The following XXYLT1 variants were observed in gnomAD, a reference collection of about 807,000 sequenced individuals.
XXYLT1 encodes the protein UDP-xylose:alpha-xyloside alpha-1,3-xylosyltransferase.
XXYLT1 carries 20 observed loss-of-function variants against 28.9 expected under a neutral mutation model. The observed-to-expected ratio is 0.69, with a 90% CI of 0.49 to 1.00. The LOEUF is 1.00. Ranked by LOEUF, XXYLT1 falls within the 50% of genes least tolerant of loss-of-function variation. XXYLT1 has a pLI of 0.00. For synonymous variants in XXYLT1, 257 were observed against 253.8 expected, an observed-to-expected ratio of 1.01 and a Z score of -0.12; for missense variants, 542 against 560.1, an observed-to-expected ratio of 0.97 and a Z score of 0.33.
intron 3 of XXYLT1, among the ~76,000 whole-genome samples, chr3:195,072,407 C>A (rs1714874751): frequency 6.6e-6 from 1 of 152,200 alleles, no homozygotes; most frequent in Non-Finnish European, 1.5e-5. Context: ...GGCAGGAACG[C>A]TCCCAAATCT....
chr3:195,153,769 T>C (rs1720408111), intron 3 of XXYLT1: 1 of 152,208 alleles, frequency 6.6e-6, no homozygotes, highest in Non-Finnish European at 1.5e-5. Context: ...TCCATTTATA[T>C]CACATGAGAA....
chr3:195,191,563 G>C (rs866379675), intron 2 of XXYLT1, among the ~76,000 whole-genome samples: 3 of 152,156 alleles, frequency 2.0e-5, no homozygotes, highest in Admixed American at 6.5e-5. Flanking sequence ...CAAAGTTATG[G>C]GGGGTTGGCA....
Position 195,196,778 on chromosome 3 carries a change from GC to G in XXYLT1, c.652+29930del, listed in dbSNP as rs1722642573. Among the ~76,000 whole-genome samples, 5 of 152,232 alleles carry G rather than the reference GC, an allele frequency of 3.3e-5. No homozygotes were observed. The South Asian group carries it at 1.0e-3, about 32-fold the overall frequency. ...AAAACGGCTTTGTACAAATTAAAAT[GC>G]CAAAGTAATAAGGAATATTGGATGA... is the stretch of plus-strand genomic sequence containing the variant. On this transcript the variant is annotated intron_variant, in intron 2 of 3. Transcript: ENST00000310380.
rs562804851 is a variant in XXYLT1 at position 195,264,467 on chromosome 3, G to A, written c.504+6088C>T. On this transcript the variant is annotated intron_variant, in intron 1 of 3. Transcript: ENST00000310380. ...GCACAAATGGCACCTTATCCGTGGA[G>A]CCATCCCTGGCCACCCGTGCACCAC... is the stretch of plus-strand genomic sequence containing the variant. Among the ~76,000 whole-genome samples, 211 of 152,310 alleles carry A rather than the reference G, an allele frequency of 1.4e-3. 1 individual carries two copies. The highest frequency in any genetic ancestry group is 5.0e-3 in the African/African-American group (209 of 41,570).
At chr3:195,221,902 G>A (rs994362679) in intron 2 of XXYLT1, among the ~76,000 whole-genome samples, 3 of 152,146 alleles carry the variant, frequency 2.0e-5, no homozygotes, top group African/African-American at 7.2e-5. Context: ...GAGACCAGCC[G>A]CATGTGAATC....
intron 3 of XXYLT1, among the ~76,000 whole-genome samples, chr3:195,144,659 AG>A (rs1334528256): frequency 1.3e-5 from 2 of 152,142 alleles, no homozygotes; most frequent in East Asian, 3.9e-4. Flanking sequence ...TACAGGTGTG[AG>A]CCACTGTGCC....
At chr3:195,199,724 G>T (rs529016205) in intron 2 of XXYLT1, among the ~76,000 whole-genome samples, 187 of 152,268 alleles carry the variant, frequency 1.2e-3, no homozygotes, top group African/African-American at 4.3e-3. Flanking sequence ...CCCAAAGATG[G>T]CTGTCCTGAC....
intron 3 of XXYLT1, among the ~76,000 whole-genome samples, chr3:195,075,875 T>C (rs193197949): frequency 5.5e-4 from 83 of 152,288 alleles, no homozygotes; most frequent in Admixed American, 3.3e-3. Context: ...GGCTGTTGCT[T>C]TGCAGGCTGA....
chr3:195,072,284 T>G (rs1305354505), intron 3 of XXYLT1, among the ~76,000 whole-genome samples: 1 of 151,976 alleles, frequency 6.6e-6, no homozygotes, highest in African/African-American at 2.4e-5. Flanking sequence ...TACTGTGGGG[T>G]TGAGTGAGGA....
At chr3:195,253,097 G>A (rs1254136053) in intron 1 of XXYLT1, among the ~76,000 whole-genome samples, 1 of 152,182 alleles carries the variant, frequency 6.6e-6, no homozygotes, top group Non-Finnish European at 1.5e-5. Context: ...GTGGAGCCCA[G>A]GCACTGCACC....
chr3:195,068,573 G>A lies in XXYLT1; in HGVS notation c.*1142C>T, dbSNP rs1416777395. The A allele has an allele frequency of 6.7e-6, 1 of 149,320 alleles. No homozygotes were observed. Among genetic ancestry groups the A allele is most frequent in the Non-Finnish European group, 1.5e-5 (1 of 67,716 alleles). The allele number at this position is 149,320 out of a possible 1,614,324, so 9.2% of individuals were successfully genotyped here. A position where few individuals can be genotyped will look rare whatever the true frequency, so the allele number is the denominator to read the frequency against. On this transcript the variant is annotated 3_prime_UTR_variant, in exon 4 of 4. Coordinates refer to ENST00000310380, the MANE Select transcript of XXYLT1 (RefSeq NM_152531.5). ...CATGGTCACACTTGGGAATTGCTGGGTTCCTTTTTGGTTTTTTTTTTTTTT... is the reference window on the plus strand; with the variant it reads ...CATGGTCACACTTGGGAATTGCTGGATTCCTTTTTGGTTTTTTTTTTTTTT...
chr3:195,152,193 A>G (rs528791961), intron 3 of XXYLT1: 39 of 152,776 alleles, frequency 2.6e-4, no homozygotes, highest in African/African-American at 8.9e-4. Flanking sequence ...CTTTTCTAAT[A>G]CTTTCATGAG....
In XXYLT1 at chr3:195,256,504, C is replaced by A; in HGVS notation, c.504+14051G>T. ...AAGGGAAGTCAGCACGGAAGCCTCA[C>A]CTAGGGTCATTCCAGGGATTATCCC... On this transcript the variant is annotated intron_variant, in intron 1 of 3. Transcript: ENST00000310380. The surrounding 1 kb of genome is among the most constrained non-coding windows in gnomAD (Gnocchi z 4.2). 1.0e-6 allele frequency: 1 copy of A among 985,390 alleles called. No homozygotes were observed. Among genetic ancestry groups the A allele is most frequent in the Non-Finnish European group, 1.2e-6 (1 of 829,922 alleles). The allele number at this position is 985,390 out of a possible 1,614,324, so 61.0% of individuals were successfully genotyped here.
rs543920815 is a variant in XXYLT1 at position 195,114,942 on chromosome 3, C to A, written c.785+41507G>T. ...GGGAAGACACCGGGGTCGGCCTGGG[C>A]GCAGTCACTCCTGGGTGGAGGCTGA... On this transcript the variant is annotated intron_variant, in intron 3 of 3. Transcript: ENST00000310380. Among the ~76,000 whole-genome samples the A allele has an allele frequency of 1.6e-3, 246 of 152,306 alleles. 2 individuals are homozygous for A. Among genetic ancestry groups the A allele is most frequent in the Non-Finnish European group, 1.5e-3 (102 of 68,024 alleles).
chr3:195,072,120 C>T (rs1250707227), intron 3 of XXYLT1, among the ~76,000 whole-genome samples: 3 of 152,064 alleles, frequency 2.0e-5, no homozygotes, highest in Non-Finnish European at 1.5e-5. Context: ...AGCAGGGCCA[C>T]AGGAAAGATC....
intron 1 of XXYLT1, among the ~76,000 whole-genome samples, chr3:195,233,146 T>G (rs935508476): frequency 7.2e-5 from 11 of 152,178 alleles, no homozygotes; most frequent in Non-Finnish European, 1.3e-4. Context: ...CTTTTTATAT[T>G]TTTTTCTTGA....
At chr3:195,185,158 AAAAAG>A (rs1233690000) in intron 2 of XXYLT1, among the ~76,000 whole-genome samples, 2 of 151,444 alleles carry the variant, frequency 1.3e-5, no homozygotes, top group Non-Finnish European at 2.9e-5. Context: ...AGGAAAAAAG[AAAAAG>A]AAAAGGAAAG....
chr3:195,246,884 C>T (rs917676331), intron 1 of XXYLT1, among the ~76,000 whole-genome samples: 1 of 152,188 alleles, frequency 6.6e-6, no homozygotes, highest in African/African-American at 2.4e-5. Flanking sequence ...AGACTCCCGG[C>T]GCCACTCGCC....
intron 2 of XXYLT1, among the ~76,000 whole-genome samples, chr3:195,159,423 T>C (rs1720758878): frequency 6.6e-6 from 1 of 152,186 alleles, no homozygotes; most frequent in Non-Finnish European, 1.5e-5. Flanking sequence ...CCTGTGTTTA[T>C]TAGCCCCGTC....
Sources: gnomAD v4.1 joint callset for allele counts (sites outside exome capture counted in the v4.1 genomes callset) on GRCh38, gnomAD v4.1.1 for gene constraint, Gnocchi (gnomAD v3.1) non-coding constraint, MANE v1.5 for transcripts, NCBI Gene and HGNC (gene_info 2026-07-23, HGNC 2026-07-21) for gene names.